Variants in MAML3 observed in about 807,000 individuals in gnomAD.
MAML3 encodes mastermind like transcriptional coactivator 3, also known as mastermind-like protein 3.
In MAML3, 27 loss-of-function variants were observed where a neutral mutation model predicts 101.9. The ratio of observed to expected loss-of-function variants is 0.27; its 90% CI spans 0.20 to 0.37. The LOEUF (loss-of-function observed/expected upper bound fraction) is 0.37, where lower values mean the gene tolerates loss of function less well. Among genes scored for constraint, MAML3 ranks in the 10% least tolerant of loss-of-function variants. The probability of loss-of-function intolerance (pLI) is 1.00; values close to 1 mark genes in which losing one functional copy is unlikely to be tolerated. For synonymous variants in MAML3, 501 were observed against 555.9 expected (o/e 0.90, Z 1.39); for missense variants, 1,316 against 1,444.9 (o/e 0.91, Z 1.45).
chr4:139,755,550 G>C (rs2041581942), intron 2 of MAML3, among the ~76,000 whole-genome samples: 1 of 152,224 alleles, frequency 6.6e-6, no homozygotes, highest in African/African-American at 2.4e-5. Flanking sequence ...GGAGCTTGCA[G>C]TGAGAGGAGA....
At chr4:140,127,353 T>G (rs1728700296) in intron 1 of MAML3, among the ~76,000 whole-genome samples, 1 of 152,220 alleles carries the variant, frequency 6.6e-6, no homozygotes, top group South Asian at 2.1e-4. Context: ...ATCTGGCTCC[T>G]AAGCGGTGCC....
In MAML3 at chr4:139,904,312, T is replaced by C. The variant is rs116678903; in HGVS notation, c.469-13345A>G. Reference sequence around the variant, plus strand: ...CTGTCCTCTCAGTGTCTTAGATGGGTTTGGCTCTCAATTGATATTTTAAAG... The same window carrying C: ...CTGTCCTCTCAGTGTCTTAGATGGGCTTGGCTCTCAATTGATATTTTAAAG... On this transcript the variant is annotated intron_variant, in intron 1 of 4. Coordinates refer to ENST00000509479, the MANE Select transcript of MAML3 (RefSeq NM_018717.5). Among the ~76,000 whole-genome samples the C allele has an allele frequency of 1.9e-3, 295 of 152,342 alleles. 1 individual carries two copies. The highest frequency in any genetic ancestry group is 3.3e-3 in the Non-Finnish European group (226 of 68,028).
chr4:140,054,167 C>T (rs541523707), intron 1 of MAML3, among the ~76,000 whole-genome samples: 1 of 151,960 alleles, frequency 6.6e-6, no homozygotes, highest in Non-Finnish European at 1.5e-5. Context: ...GTCAGGAATT[C>T]GAGACCAGCC....
At chr4:140,137,292 G>A (rs775731543) in intron 1 of MAML3, among the ~76,000 whole-genome samples, 3 of 152,202 alleles carry the variant, frequency 2.0e-5, no homozygotes, top group Non-Finnish European at 4.4e-5. Context: ...CCGGCCTAAA[G>A]AAGATTTTTT....
chr4:139,862,570 G>C (rs1731802763), intron 2 of MAML3, among the ~76,000 whole-genome samples: 1 of 152,192 alleles, frequency 6.6e-6, no homozygotes, highest in Non-Finnish European at 1.5e-5. Context: ...ATGCTATGCT[G>C]TAATCTTGCT....
chr4:140,152,798 G>GCCCCCCC, intron 1 of MAML3, 62 bp downstream of exon 1: 18 of 1,555,724 alleles, frequency 1.2e-5, no homozygotes, highest in South Asian at 2.5e-5. Flanking sequence ...AGCTCCACGC[G>GCCCCCCC]CCCCCCACCA....
chr4:139,879,525 G>GA (rs5862443), intron 2 of MAML3, among the ~76,000 whole-genome samples: 42,507 of 115,290 alleles, frequency 0.37, 7,952 homozygotes, highest in Non-Finnish European at 0.43. Context: ...GGCTCTGACT[G>GA]AAAAAAAAAA....
intron 2 of MAML3, among the ~76,000 whole-genome samples, chr4:139,881,463 A>T (rs1732216815): frequency 6.6e-6 from 1 of 152,186 alleles, no homozygotes; most frequent in Non-Finnish European, 1.5e-5. Context: ...GCTTAAGGGA[A>T]AACAATCTAC....
intron 2 of MAML3, among the ~76,000 whole-genome samples, chr4:139,854,800 G>T (rs188869886): frequency 5.1e-4 from 43 of 84,318 alleles, no homozygotes; most frequent in Admixed American, 1.1e-3. Context: ...GGGGACTCAG[G>T]TCATCTGGTG....
At chr4:139,861,574 G>A (rs532118786) in intron 2 of MAML3, among the ~76,000 whole-genome samples, 1 of 151,046 alleles carries the variant, frequency 6.6e-6, no homozygotes, top group South Asian at 2.1e-4. Flanking sequence ...TACAGATAAG[G>A]AAATCAAACT....
chr4:139,832,410 C>T (rs1254471452), intron 2 of MAML3, among the ~76,000 whole-genome samples: 1 of 152,018 alleles, frequency 6.6e-6, no homozygotes, highest in Non-Finnish European at 1.5e-5. Context: ...CCGCACCTGG[C>T]CCCTCCCATA....
chr4:139,785,148 G>A lies in MAML3; in HGVS notation c.2080-54481C>T, dbSNP rs1217816092. Among the ~76,000 whole-genome samples the A allele has an allele frequency of 6.6e-6, 1 of 152,180 alleles. No homozygotes were observed. Among genetic ancestry groups the A allele is most frequent in the East Asian group, 1.9e-4 (1 of 5,196 alleles). Reference sequence around the variant, plus strand: ...ACTCATGAGGCCAGGGCCGATACCTGGATTCCTAACTGACAGACACCCAGC... The same window carrying A: ...ACTCATGAGGCCAGGGCCGATACCTAGATTCCTAACTGACAGACACCCAGC... On this transcript the variant is annotated intron_variant, in intron 2 of 4. Coordinates refer to ENST00000509479, the MANE Select transcript of MAML3 (RefSeq NM_018717.5). This position sits in a 1 kb window ranked among gnomAD's most constrained non-coding sequence, Gnocchi z 4.3.
At position 139,718,164 on chromosome 4, in the gene MAML3, A is replaced by T. The variant is rs1204989041; in HGVS notation, c.*1159T>A. On this transcript the variant is annotated 3_prime_UTR_variant, in exon 5 of 5. Coordinates refer to ENST00000509479, the MANE Select transcript of MAML3 (RefSeq NM_018717.5). ...GGCCACTCCTTCCTGGGGATATCAGAAATATCAGATGTGGCTCACAAAAAA... is the reference window on the plus strand; with the variant it reads ...GGCCACTCCTTCCTGGGGATATCAGTAATATCAGATGTGGCTCACAAAAAA... The T allele has an allele frequency of 1.3e-5, 2 of 152,188 alleles. No homozygotes were observed. Among genetic ancestry groups the T allele is most frequent in the African/African-American group, 4.8e-5 (2 of 41,426 alleles). 9.4% of individuals were successfully genotyped at this position (152,188 alleles called of 1,614,324 possible).
intron 1 of MAML3, among the ~76,000 whole-genome samples, chr4:140,137,144 G>A (rs918993525): frequency 1.7e-4 from 26 of 152,176 alleles, no homozygotes; most frequent in Admixed American, 1.1e-3. Context: ...GCCCGCCACC[G>A]CGCCCGGCTA....
intron 2 of MAML3, among the ~76,000 whole-genome samples, chr4:139,832,107 T>TCC (rs1245575458): frequency 8.3e-6 from 1 of 120,320 alleles, no homozygotes; most frequent in Non-Finnish European, 1.7e-5. Context: ...TTTTTTTTTT[T>TCC]TTTTTTTTTT....
At chr4:139,866,945 A>G (rs1731909998) in intron 2 of MAML3, among the ~76,000 whole-genome samples, 1 of 152,212 alleles carries the variant, frequency 6.6e-6, no homozygotes, top group Non-Finnish European at 1.5e-5. Flanking sequence ...GGCAGGGACC[A>G]CATGTTAAGC....
chr4:139,733,835 A>C (rs907322), intron 2 of MAML3, among the ~76,000 whole-genome samples: 67,368 of 151,920 alleles, frequency 0.44, 15,959 homozygotes, highest in South Asian at 0.54. Context: ...TACAGGTTTA[A>C]GCCACCATGC....
intron 2 of MAML3, among the ~76,000 whole-genome samples, chr4:139,802,210 T>C (rs1730622598): frequency 6.6e-6 from 1 of 152,092 alleles, no homozygotes; most frequent in Non-Finnish European, 1.5e-5. Flanking sequence ...ATCCTATAAC[T>C]GGGACAACTG....
intron 1 of MAML3, among the ~76,000 whole-genome samples, chr4:140,015,608 C>G (rs1726629587): frequency 6.6e-6 from 1 of 152,148 alleles, no homozygotes; most frequent in Non-Finnish European, 1.5e-5. Flanking sequence ...TGTTATTCAA[C>G]AAAGTGTTGG....
Sources: gnomAD v4.1 joint callset for allele counts (sites outside exome capture counted in the v4.1 genomes callset) on GRCh38, gnomAD v4.1.1 for gene constraint, Gnocchi (gnomAD v3.1) non-coding constraint, MANE v1.5 for transcripts, NCBI Gene and HGNC (gene_info 2026-07-23, HGNC 2026-07-21) for gene names.